The following GRIN3A variants were observed in gnomAD, a reference collection of about 807,000 sequenced individuals.
GRIN3A encodes the protein glutamate ionotropic receptor NMDA type subunit 3A.
Under a neutral mutation model 92.4 loss-of-function variants are expected in GRIN3A, and 47 were observed. The observed-to-expected ratio is 0.51, with a 90% CI of 0.40 to 0.65. The LOEUF (loss-of-function observed/expected upper bound fraction) is 0.65. Among genes scored for constraint, GRIN3A ranks in the 30% least tolerant of loss-of-function variants. The pLI, the probability that GRIN3A is intolerant of heterozygous loss-of-function variation, is 0.00. For missense variants in GRIN3A, 1,324 were observed against 1,393.1 expected (o/e 0.95, Z 0.79); for synonymous variants, 527 against 540.6 (o/e 0.97, Z 0.35).
chr9:101,702,317 T>C (rs915949190), intron 1 of GRIN3A, among the ~76,000 whole-genome samples: 8 of 152,126 alleles, frequency 5.3e-5, no homozygotes, highest in African/African-American at 1.9e-4. Flanking sequence ...AAAAAATTTT[T>C]TTATTTATTC....
At chr9:101,592,517 G>A (rs557144351) in intron 6 of GRIN3A, 1 of 152,304 alleles carries the variant, frequency 6.6e-6, no homozygotes, top group South Asian at 2.1e-4. Flanking sequence ...AAAGAAGTGA[G>A]TGTGATAACA....
intron 1 of GRIN3A, among the ~76,000 whole-genome samples, chr9:101,705,791 G>A (rs752401233): frequency 3.3e-5 from 5 of 152,200 alleles, no homozygotes; most frequent in African/African-American, 4.8e-5. Context: ...TGTTTATGGT[G>A]TGCCAGACAC....
intron 1 of GRIN3A, among the ~76,000 whole-genome samples, chr9:101,725,999 C>CT (rs1016113792): frequency 2.8e-4 from 42 of 152,090 alleles, no homozygotes; most frequent in Admixed American, 2.6e-3. Context: ...GTTTGCATGT[C>CT]TTATTTTCTA....
chr9:101,664,329 A>G (rs1436319301), intron 3 of GRIN3A, among the ~76,000 whole-genome samples: 4 of 151,942 alleles, frequency 2.6e-5, no homozygotes, highest in East Asian at 3.9e-4. Flanking sequence ...AAATATCCAA[A>G]TAAGTTCTAT....
chr9:101,670,061 T>C lies in GRIN3A; in HGVS notation c.2351A>G (p.Lys784Arg). 6.2e-7 allele frequency: 1 copy of C among 1,606,386 alleles called. No individual in the cohort carries two copies. Among genetic ancestry groups the C allele is most frequent in the South Asian group, 1.1e-5 (1 of 90,932 alleles). The change falls in exon 3 of 9, where the codon AAG becomes AGG. Residue 784 changes from lysine (K) to arginine (R), a missense_variant and splice_region_variant. Transcript: ENST00000361820. Reference sequence around the variant, plus strand: ...AGCTAAAGTAAAATGAAGTATTACCTTGGGGTCATGTATTCCAGAAAGCTC... The same window carrying C: ...AGCTAAAGTAAAATGAAGTATTACCCTGGGGTCATGTATTCCAGAAAGCTC... ...YEELSGIHDP[K>R]LHHPSQGFRF...
chr9:101,579,697 G>A (rs1429775116), intron 6 of GRIN3A, among the ~76,000 whole-genome samples: 1 of 152,164 alleles, frequency 6.6e-6, no homozygotes, highest in Non-Finnish European at 1.5e-5. Context: ...TGGATGGGAG[G>A]TCTGTCATGC....
At chr9:101,683,868 G>C (rs1000680872) in intron 2 of GRIN3A, among the ~76,000 whole-genome samples, 7 of 151,880 alleles carry the variant, frequency 4.6e-5, no homozygotes, top group Non-Finnish European at 7.4e-5. Flanking sequence ...GAGAGAGAGA[G>C]AGAGAGAGAG....
At chr9:101,671,644 AT>A (rs1829326597) in intron 2 of GRIN3A, among the ~76,000 whole-genome samples, 1 of 152,196 alleles carries the variant, frequency 6.6e-6, no homozygotes, top group Admixed American at 6.5e-5. Context: ...AAATAGCCAA[AT>A]CTTGTTACCA....
intron 3 of GRIN3A, among the ~76,000 whole-genome samples, chr9:101,665,409 C>A (rs1829225532): frequency 6.6e-6 from 1 of 151,710 alleles, no homozygotes; most frequent in South Asian, 2.1e-4. Flanking sequence ...GCACAGCAGG[C>A]AGGTGTTCAA....
chr9:101,594,408 C>T (rs754616656), intron 6 of GRIN3A: 5 of 1,594,866 alleles, frequency 3.1e-6, no homozygotes, highest in South Asian at 1.1e-5. Context: ...AAGAAAAAGG[C>T]TCATACGATG....
intron 1 of GRIN3A, among the ~76,000 whole-genome samples, chr9:101,708,860 T>C (rs574415958): frequency 7.2e-5 from 11 of 152,344 alleles, no homozygotes; most frequent in Admixed American, 5.9e-4. Context: ...AATTTCGCAG[T>C]AAACCTCCAA....
chr9:101,592,691 T>A (rs530559668), intron 6 of GRIN3A: 1 of 152,186 alleles, frequency 6.6e-6, no homozygotes, highest in Non-Finnish European at 1.5e-5. Flanking sequence ...ATCTATTAAA[T>A]ACAAAAGTAT....
intron 6 of GRIN3A, among the ~76,000 whole-genome samples, chr9:101,605,303 G>C (rs1387739806): frequency 1.3e-5 from 2 of 152,338 alleles, no homozygotes; most frequent in South Asian, 2.1e-4. Flanking sequence ...CTGTGTGTCA[G>C]CACTTTGATG....
intron 6 of GRIN3A, among the ~76,000 whole-genome samples, chr9:101,605,510 C>T (rs1339035186): frequency 3.9e-5 from 6 of 152,140 alleles, no homozygotes; most frequent in Non-Finnish European, 8.8e-5. Context: ...TTTGAAACTA[C>T]CTCATAACGA....
chr9:101,723,612 C>T (rs895810475), intron 1 of GRIN3A, among the ~76,000 whole-genome samples: 4 of 152,096 alleles, frequency 2.6e-5, no homozygotes, highest in East Asian at 1.9e-4. Context: ...TTGGTAGAGC[C>T]GAGTGGTCTG....
chr9:101,641,637 G>C (rs1457733739), intron 3 of GRIN3A, among the ~76,000 whole-genome samples: 1 of 151,926 alleles, frequency 6.6e-6, no homozygotes, highest in Non-Finnish European at 1.5e-5. Flanking sequence ...TTGTGGGGTG[G>C]GGGGAGAGGG....
rs1358999821 is a variant in GRIN3A, at chr9:101,737,452, G to T, written c.528C>A (p.Asp176Glu). Reference protein sequence around the residue: ...FSSPSSPWSSDPFSFLQSVCH... With the variant: ...FSSPSSPWSSEPFSFLQSVCH... ...ACACACTTTGCAGGAAGGAGAAAGG[G>T]TCACTGCTCCATGGCGAACTAGGGG... is the stretch of plus-strand genomic sequence containing the variant. Residue 176 changes from aspartate (D) to glutamate (E), a missense_variant, in exon 1 of 9, where the codon GAC becomes GAA. Transcript: ENST00000361820. 6.2e-7 allele frequency: 1 copy of T among 1,614,152 alleles called. No individual in the cohort carries two copies. Among genetic ancestry groups the T allele is most frequent in the Non-Finnish European group, 8.5e-7 (1 of 1,180,058 alleles).
At chr9:101,585,675 A>G (rs1326635211) in intron 6 of GRIN3A, among the ~76,000 whole-genome samples, 3 of 152,104 alleles carry the variant, frequency 2.0e-5, no homozygotes, top group Admixed American at 2.0e-4. Flanking sequence ...TTCAAAGTAT[A>G]TCCAGAATTC....
Position 101,573,468 on chromosome 9 carries a change from A to T in GRIN3A, c.3054T>A (p.Asn1018Lys), listed in dbSNP as rs1258848868. Residue 1018 changes from asparagine (N) to lysine (K), a missense_variant, in exon 9 of 9, where the codon AAT becomes AAA. Physicochemically the swap from Asn to Lys is moderately conservative, Grantham distance 94 (BLOSUM62 0). Coordinates refer to ENST00000361820, the MANE Select transcript of GRIN3A (RefSeq NM_133445.3). ...PRQLTVWNTSNLSHDNRRKYI... is the reference protein window; with the variant it reads ...PRQLTVWNTSKLSHDNRRKYI... ...ATTTCCGTCGGTTGTCATGACTCAG[A>T]TTGGAAGTATTCCATACGGTAAGCT... The T allele has an allele frequency of 6.2e-7, 1 of 1,613,910 alleles. No homozygotes were observed. The highest frequency in any genetic ancestry group is 2.2e-5 in the East Asian group (1 of 44,888).
Sources: allele counts gnomAD v4.1 joint callset (sites outside exome capture counted in the v4.1 genomes callset), GRCh38; gene constraint gnomAD v4.1.1; transcripts MANE v1.5; gene names NCBI Gene and HGNC (gene_info 2026-07-23, HGNC 2026-07-21).